ADAD1: variants seen among roughly 807,000 people sequenced by gnomAD.
The protein encoded by ADAD1 is adenosine deaminase domain-containing protein 1.
ADAD1 carries 46 observed loss-of-function variants against 66.8 expected under a neutral mutation model. That is an observed-to-expected ratio of 0.69 (90% CI 0.54 to 0.88). The LOEUF is 0.88. ADAD1 is among the 40% of genes least tolerant of loss of function. The pLI is 0.00. For missense variants in ADAD1, 617 were observed against 681.8 expected (o/e 0.91, Z 1.06); for synonymous variants, 248 against 229.4 (o/e 1.08, Z -0.73).
intron 7 of ADAD1, among the ~76,000 whole-genome samples, chr4:122,399,927 T>C (rs149434920): frequency 2.6e-5 from 4 of 152,136 alleles, no homozygotes; most frequent in African/African-American, 9.6e-5. Context: ...GTTCTAGATA[T>C]GCGATCATAC....
chr4:122,383,458 A>C (rs957553216), intron 4 of ADAD1, among the ~76,000 whole-genome samples: 1 of 151,744 alleles, frequency 6.6e-6, no homozygotes, highest in African/African-American at 2.4e-5. Flanking sequence ...TCCACATTTT[A>C]TCTCTCACTA....
rs1561536459 is a variant in ADAD1 at position 122,393,629 on chromosome 4, A to T, written c.570A>T (p.Glu190Asp). 1 of 1,603,394 alleles carries T rather than the reference A, an allele frequency of 6.2e-7. No homozygotes were observed. Among genetic ancestry groups the T allele is most frequent in the Non-Finnish European group, 8.5e-7 (1 of 1,176,026 alleles). The change falls in exon 6 of 13, where the codon GAA (glutamate) becomes GAT (aspartate). Residue 190 changes from glutamate (E) to aspartate (D), a missense_variant. Transcript: ENST00000296513. ...PFPAEPVVLS[E>D]LAYVSKVHYE... is the part of the protein sequence containing the mutation. ...CTGCAGAACCTGTTGTTTTATCTGA[A>T]CTAGCATATGTTTCAAAAGTACATT...
chr4:122,406,005 A>G (rs763354676), intron 7 of ADAD1, among the ~76,000 whole-genome samples: 5 of 152,020 alleles, frequency 3.3e-5, no homozygotes, highest in Non-Finnish European at 5.9e-5. Context: ...TTTTTTCTGT[A>G]TCTTGGCTAT....
intron 8 of ADAD1, among the ~76,000 whole-genome samples, chr4:122,409,564 T>G (rs2150577291): frequency 1.3e-5 from 2 of 152,332 alleles, no homozygotes; most frequent in Middle Eastern, 6.8e-3. Context: ...TTTTAAAATG[T>G]ACAATTAAAT....
At chr4:122,392,134 A>G (rs1306910481) in intron 5 of ADAD1, among the ~76,000 whole-genome samples, 3 of 152,254 alleles carry the variant, frequency 2.0e-5, no homozygotes, top group South Asian at 2.1e-4. Flanking sequence ...AATTAAATCT[A>G]TCTGTCTCTG....
chr4:122,409,919 A>C (rs1038992063), intron 8 of ADAD1, among the ~76,000 whole-genome samples: 2 of 152,070 alleles, frequency 1.3e-5, no homozygotes, highest in Admixed American at 6.6e-5. Context: ...TGACCTTGTG[A>C]TCTGCCCCCC....
At chr4:122,391,042 T>C (rs540222283) in intron 5 of ADAD1, among the ~76,000 whole-genome samples, 5 of 152,328 alleles carry the variant, frequency 3.3e-5, no homozygotes, top group Admixed American at 2.0e-4. Context: ...AGGGTTTTTG[T>C]GGGGAGCTTT....
chr4:122,387,024 T>C (rs1035757504), intron 5 of ADAD1, among the ~76,000 whole-genome samples: 1 of 152,234 alleles, frequency 6.6e-6, no homozygotes, highest in Non-Finnish European at 1.5e-5. Context: ...TATGGGGTCT[T>C]CTTTGATTTC....
rs765373740 is a variant in ADAD1, at chr4:122,411,433, G to A, written c.1019+41G>A. 21 of 1,547,266 alleles carry A rather than the reference G, an allele frequency of 1.4e-5. No individual in the cohort carries two copies. In the East Asian group the frequency reaches 4.6e-4, roughly 34 times the overall value. On this transcript the variant is annotated intron_variant, in intron 9 of 12. Coordinates refer to ENST00000296513, the MANE Select transcript of ADAD1 (RefSeq NM_139243.4). ...GTTGTTTTTAAAAGCAAGTAGGATG[G>A]CCATGCCATACATTCTGACTTTCTA... is the stretch of plus-strand genomic sequence containing the variant.
intron 5 of ADAD1, among the ~76,000 whole-genome samples, chr4:122,388,028 G>A (rs1402017858): frequency 6.6e-6 from 1 of 152,086 alleles, no homozygotes; most frequent in Non-Finnish European, 1.5e-5. Flanking sequence ...CAGAGTGCTG[G>A]GATTACAGGC....
intron 5 of ADAD1, among the ~76,000 whole-genome samples, chr4:122,385,976 T>C (rs1795154337): frequency 6.6e-6 from 1 of 152,204 alleles, no homozygotes; most frequent in African/African-American, 2.4e-5. Flanking sequence ...ATGTCTTCGC[T>C]ATTGTAAATA....
Position 122,397,885 on chromosome 4 carries a change from T to C in ADAD1, c.724+1508T>C, listed in dbSNP as rs74794553. ...TAAATGTAGTTTTAGATAATATGAGTATGAATATAAGCAGGAAAAGCTTGA... is the reference window on the plus strand; with the variant it reads ...TAAATGTAGTTTTAGATAATATGAGCATGAATATAAGCAGGAAAAGCTTGA... On this transcript the variant is annotated intron_variant, in intron 7 of 12. Coordinates refer to ENST00000296513, the MANE Select transcript of ADAD1 (RefSeq NM_139243.4). 4.4e-3 allele frequency among the ~76,000 whole-genome samples: 666 copies of C among 152,188 alleles called. 5 individuals are homozygous for C. The highest frequency in any genetic ancestry group is 7.9e-3 in the Non-Finnish European group (536 of 68,004).
intron 12 of ADAD1, among the ~76,000 whole-genome samples, chr4:122,422,875 C>G (rs534548875): frequency 6.6e-6 from 1 of 150,648 alleles, no homozygotes; most frequent in African/African-American, 2.4e-5. Context: ...TCACTTGAGC[C>G]CAGGAGTTCA....
chr4:122,427,825 G>C (rs188191440), intron 12 of ADAD1, among the ~76,000 whole-genome samples: 1 of 151,846 alleles, frequency 6.6e-6, no homozygotes, highest in Middle Eastern at 3.2e-3. Flanking sequence ...CACACCCAGC[G>C]CAATCCAAAG....
At chr4:122,412,549 TAAAG>T in intron 9 of ADAD1, 27 bp from the exon 10 acceptor site, 1 of 1,596,596 alleles carries the variant, frequency 6.3e-7, no homozygotes, top group South Asian at 1.1e-5. Flanking sequence ...CTTTGTTTTT[TAAAG>T]GAAGAAACTT....
chr4:122,391,483 C>A (rs1337839360), intron 5 of ADAD1, among the ~76,000 whole-genome samples: 1 of 152,182 alleles, frequency 6.6e-6, no homozygotes, highest in African/African-American at 2.4e-5. Flanking sequence ...TCTGCTGGTC[C>A]GCAGAGACTA....
chr4:122,418,564 C>T (rs1359234148), intron 11 of ADAD1, among the ~76,000 whole-genome samples: 2 of 151,966 alleles, frequency 1.3e-5, no homozygotes, highest in Non-Finnish European at 2.9e-5. Flanking sequence ...CCTCATGATC[C>T]GCCCGCCTTG....
At chr4:122,404,561 C>A (rs1227395334) in intron 7 of ADAD1, among the ~76,000 whole-genome samples, 1 of 152,152 alleles carries the variant, frequency 6.6e-6, no homozygotes, top group African/African-American at 2.4e-5. Context: ...CAATGGCAAG[C>A]TACTTCTTTC....
At chr4:122,429,546 TA>T in intron 12 of ADAD1, 79 bp from the exon 13 acceptor site, 1 of 733,226 alleles carries the variant, frequency 1.4e-6, no homozygotes, top group Non-Finnish European at 2.2e-6. Flanking sequence ...AATTTCAAGC[TA>T]AAGAAACAGT....
Sources: gnomAD v4.1 joint callset for allele counts (sites outside exome capture counted in the v4.1 genomes callset) on GRCh38, gnomAD v4.1.1 for gene constraint, MANE v1.5 for transcripts, NCBI Gene and HGNC (gene_info 2026-07-23, HGNC 2026-07-21) for gene names.